The following RBMS3 variants were observed in gnomAD, a reference collection of about 807,000 sequenced individuals.
RBMS3 encodes RNA-binding motif, single-stranded-interacting protein 3.
A neutral mutation model predicts 66.8 loss-of-function variants in RBMS3; 27 were observed. The ratio of observed to expected loss-of-function variants is 0.40; its 90% CI spans 0.30 to 0.56. The LOEUF is 0.56. RBMS3 is among the 20% of genes least tolerant of loss of function. The pLI is 0.40. For synonymous variants in RBMS3, 188 were observed against 183.0 expected, an observed-to-expected ratio of 1.03 and a Z score of -0.22; for missense variants, 513 against 549.5, an observed-to-expected ratio of 0.93 and a Z score of 0.66.
At chr3:29,792,218 G>C (rs1243852332) in intron 6 of RBMS3, among the ~76,000 whole-genome samples, 3 of 152,164 alleles carry the variant, frequency 2.0e-5, no homozygotes, top group Non-Finnish European at 2.9e-5. Flanking sequence ...AGTGGATGTA[G>C]AACAATATCC....
At position 29,899,688 on chromosome 3, in the gene RBMS3, T is replaced by C. The variant is rs370302066; in HGVS notation, c.889-17T>C. The C allele has an allele frequency of 6.2e-7, 1 of 1,607,864 alleles. No individual in the cohort carries two copies. Among genetic ancestry groups the C allele is most frequent in the Non-Finnish European group, 8.5e-7 (1 of 1,176,458 alleles). ...TCTATGATTGCTTTGTGCTAATAAA[T>C]GCTGTTTGATGCATAGGTCCAGAGT... On this transcript the variant is annotated splice_polypyrimidine_tract_variant and intron_variant, in intron 9 of 14. Coordinates refer to ENST00000383767, the MANE Select transcript of RBMS3 (RefSeq NM_001003793.3).
intron 3 of RBMS3, among the ~76,000 whole-genome samples, chr3:29,500,434 T>C (rs542807457): frequency 1.9e-4 from 28 of 148,744 alleles, no homozygotes; most frequent in Middle Eastern, 7.1e-3. Flanking sequence ...TATATATAAT[T>C]TTATTATATA....
chr3:29,739,228 CG>C (rs1559622455), intron 4 of RBMS3, among the ~76,000 whole-genome samples: 2 of 151,956 alleles, frequency 1.3e-5, no homozygotes, highest in East Asian at 3.9e-4. Flanking sequence ...CCGAGGTGGG[CG>C]GATCACTAAG....
intron 12 of RBMS3, among the ~76,000 whole-genome samples, chr3:29,961,742 T>C (rs552140069): frequency 2.9e-4 from 44 of 151,848 alleles, no homozygotes; most frequent in African/African-American, 1.0e-3. Flanking sequence ...CTCACTATCC[T>C]GAGAACAGCA....
intron 12 of RBMS3, among the ~76,000 whole-genome samples, chr3:29,975,940 T>A (rs971515824): frequency 1.3e-5 from 2 of 151,962 alleles, no homozygotes; most frequent in Non-Finnish European, 2.9e-5. Context: ...GAGGACTGAG[T>A]CTTCTAATTG....
At position 29,306,975 on chromosome 3, in the gene RBMS3, C is replaced by T. The variant is rs561041335; in HGVS notation, c.75+25219C>T. ...AAAGCCTTGCATCTTGTTTCTATGG[C>T]AAAGCCACATTTAAATTTATTCGTT... On this transcript the variant is annotated intron_variant, in intron 1 of 14. Coordinates refer to ENST00000383767, the MANE Select transcript of RBMS3 (RefSeq NM_001003793.3). 9.7e-4 allele frequency among the ~76,000 whole-genome samples: 147 copies of T among 151,994 alleles called. 2 individuals carry two copies. The highest frequency in any genetic ancestry group is 3.4e-3 in the African/African-American group (142 of 41,512).
chr3:29,417,806 C>T (rs2164924), intron 1 of RBMS3, among the ~76,000 whole-genome samples: 4,080 of 151,984 alleles, frequency 0.027, 180 homozygotes, highest in African/African-American at 0.093. Flanking sequence ...TGACACAATC[C>T]GGTGAAATAA....
rs1001950753 is a variant in RBMS3, at chr3:29,739,288, C to G, written c.400-432C>G. ...TGGCTAACACGGTGAAACCCCGTCT[C>G]TACTAAAAATACAAAAAATTAGCTG... On this transcript the variant is annotated intron_variant, in intron 4 of 14. Coordinates refer to ENST00000383767, the MANE Select transcript of RBMS3 (RefSeq NM_001003793.3). Among the ~76,000 whole-genome samples the G allele has an allele frequency of 3.3e-5, 5 of 151,870 alleles. No individual in the cohort carries two copies. In the East Asian group the frequency reaches 9.7e-4, roughly 29 times the overall value.
At chr3:29,815,008 G>C (rs781523612) in intron 6 of RBMS3, among the ~76,000 whole-genome samples, 2 of 152,128 alleles carry the variant, frequency 1.3e-5, no homozygotes, top group Non-Finnish European at 2.9e-5. Context: ...TTTGGAAAAA[G>C]ACATCCTGAG....
chr3:29,363,964 A>G (rs1360728614), intron 1 of RBMS3, among the ~76,000 whole-genome samples: 1 of 152,166 alleles, frequency 6.6e-6, no homozygotes, highest in African/African-American at 2.4e-5. Context: ...ACTATTAAGT[A>G]TAACTTAGAA....
chr3:29,831,797 C>T (rs2888161), intron 6 of RBMS3, among the ~76,000 whole-genome samples: 3,197 of 151,910 alleles, frequency 0.021, 123 homozygotes, highest in African/African-American at 0.073. Flanking sequence ...ATTTTAAGTT[C>T]TATAGGATTT....
chr3:29,395,393 T>A (rs1258003958), intron 1 of RBMS3, among the ~76,000 whole-genome samples: 1 of 152,094 alleles, frequency 6.6e-6, no homozygotes, highest in Non-Finnish European at 1.5e-5. Flanking sequence ...GGGTCAGTGG[T>A]CATAAGAAAT....
intron 3 of RBMS3, among the ~76,000 whole-genome samples, chr3:29,499,704 C>T (rs891188838): frequency 4.6e-5 from 7 of 152,198 alleles, no homozygotes; most frequent in African/African-American, 1.7e-4. Context: ...TTAGCAGAAA[C>T]CTGTATCATA....
At chr3:29,612,231 C>T (rs1378147794) in intron 4 of RBMS3, among the ~76,000 whole-genome samples, 1 of 151,872 alleles carries the variant, frequency 6.6e-6, no homozygotes, top group Non-Finnish European at 1.5e-5. Context: ...ATAGTGATTG[C>T]ACATATATAT....
At chr3:29,631,643 G>A (rs976625972) in intron 4 of RBMS3, among the ~76,000 whole-genome samples, 15 of 151,784 alleles carry the variant, frequency 9.9e-5, no homozygotes, top group South Asian at 2.1e-4. Context: ...ACATGTCCCC[G>A]TATTGCTGAT....
At chr3:29,340,240 T>C (rs1449473770) in intron 1 of RBMS3, among the ~76,000 whole-genome samples, 1 of 152,016 alleles carries the variant, frequency 6.6e-6, no homozygotes, top group Admixed American at 6.6e-5. Context: ...ATTTCAGAGG[T>C]GGTAGCAAAG....
intron 3 of RBMS3, among the ~76,000 whole-genome samples, chr3:29,520,866 A>G (rs568963277): frequency 8.9e-4 from 135 of 152,254 alleles, no homozygotes; most frequent in Non-Finnish European, 1.7e-3. Context: ...ATTTGGAAGG[A>G]ATCTCAATGA....
At chr3:29,796,208 C>T (rs2057177787) in intron 6 of RBMS3, among the ~76,000 whole-genome samples, 1 of 152,198 alleles carries the variant, frequency 6.6e-6, no homozygotes, top group Admixed American at 6.5e-5. Context: ...AAGTAATCCT[C>T]CTTTCTCTGC....
intron 1 of RBMS3, among the ~76,000 whole-genome samples, chr3:29,310,939 C>T (rs958632934): frequency 6.6e-6 from 1 of 151,592 alleles, no homozygotes; most frequent in Admixed American, 6.6e-5. Context: ...CTAAGCAAAC[C>T]AAAACAAAAC....
Sources: allele counts gnomAD v4.1 joint callset (sites outside exome capture counted in the v4.1 genomes callset), GRCh38; gene constraint gnomAD v4.1.1; transcripts MANE v1.5; gene names NCBI Gene and HGNC (gene_info 2026-07-23, HGNC 2026-07-21).